B3GALT1: variants seen among roughly 807,000 people sequenced by gnomAD.
The protein encoded by B3GALT1 is UDP-Gal:betaGlcNAc beta 1,3-galactosyltransferase, polypeptide 1.
In B3GALT1, 10 loss-of-function variants were observed where a neutral mutation model predicts 23.2. The ratio of observed to expected loss-of-function variants is 0.43; its 90% CI spans 0.27 to 0.73. B3GALT1 has a LOEUF of 0.73. B3GALT1 is among the 30% of genes least tolerant of loss of function. The pLI is 0.21. For missense variants in B3GALT1, 299 were observed against 405.4 expected, an observed-to-expected ratio of 0.74 and a Z score of 2.25; for synonymous variants, 156 against 141.5, an observed-to-expected ratio of 1.10 and a Z score of -0.73.
At chr2:167,834,059 G>C (rs1199152997) in intron 4 of B3GALT1, among the ~76,000 whole-genome samples, 1 of 152,126 alleles carries the variant, frequency 6.6e-6, no homozygotes, top group Non-Finnish European at 1.5e-5. Context: ...TCTAAAAAAG[G>C]AACTTTGCTG....
At chr2:167,553,055 A>C (rs867441022) in intron 2 of B3GALT1, among the ~76,000 whole-genome samples, 1 of 152,144 alleles carries the variant, frequency 6.6e-6, no homozygotes, top group Non-Finnish European at 1.5e-5. Flanking sequence ...AATGTCATCA[A>C]ATATTTATTG....
chr2:167,387,625 T>C (rs1697948688), intron 1 of B3GALT1, among the ~76,000 whole-genome samples: 1 of 152,242 alleles, frequency 6.6e-6, no homozygotes, highest in Non-Finnish European at 1.5e-5. Flanking sequence ...ATCAATTCGT[T>C]ACTAATGAAT....
At chr2:167,353,474 T>G (rs1697349636) in intron 1 of B3GALT1, among the ~76,000 whole-genome samples, 1 of 152,036 alleles carries the variant, frequency 6.6e-6, no homozygotes, top group Non-Finnish European at 1.5e-5. Flanking sequence ...GATGGCCAAA[T>G]GGCTGTTTCG....
intron 3 of B3GALT1, among the ~76,000 whole-genome samples, chr2:167,801,540 T>C (rs192636121): frequency 3.9e-4 from 59 of 152,338 alleles, no homozygotes; most frequent in Non-Finnish European, 5.9e-4. Flanking sequence ...GCCCTGATGT[T>C]TGCACTACAG....
At chr2:167,354,997 T>TC (rs919028536) in intron 1 of B3GALT1, among the ~76,000 whole-genome samples, 1 of 152,218 alleles carries the variant, frequency 6.6e-6, no homozygotes, top group African/African-American at 2.4e-5. Flanking sequence ...ATCTTCCTCT[T>TC]CCTCAAATAT....
chr2:167,495,223 A>G (rs191354482), intron 2 of B3GALT1, among the ~76,000 whole-genome samples: 108 of 152,076 alleles, frequency 7.1e-4, no homozygotes, highest in African/African-American at 2.6e-3. Context: ...TCATTTAACA[A>G]CCTTCATGTT....
At chr2:167,702,842 T>C (rs1029267920) in intron 3 of B3GALT1, among the ~76,000 whole-genome samples, 1 of 152,236 alleles carries the variant, frequency 6.6e-6, no homozygotes, top group East Asian at 1.9e-4. Flanking sequence ...CAAGAAAAGC[T>C]ACAAAAGAAA....
chr2:167,539,088 C>T (rs557944373), intron 2 of B3GALT1, among the ~76,000 whole-genome samples: 4 of 152,034 alleles, frequency 2.6e-5, no homozygotes, highest in Non-Finnish European at 5.9e-5. Context: ...AATTGTTAAT[C>T]TATGCTAAAA....
intron 1 of B3GALT1, among the ~76,000 whole-genome samples, chr2:167,341,226 T>C (rs1007119676): frequency 6.6e-6 from 1 of 152,116 alleles, no homozygotes; most frequent in Non-Finnish European, 1.5e-5. Context: ...AAGCACATGA[T>C]CTTTTTGGTT....
chr2:167,615,150 A>G lies in B3GALT1; in HGVS notation c.-409-31759A>G, dbSNP rs144974498. The stretch of plus-strand genomic sequence containing the variant: ...TAAAAAGTTAAAAAGCAAGGTATGA[A>G]TAGATGAAGAAATTGTAGTGTATAT... On this transcript the variant is annotated intron_variant, in intron 2 of 4. Coordinates refer to ENST00000392690, the MANE Select transcript of B3GALT1 (RefSeq NM_020981.4). Among the ~76,000 whole-genome samples, 418 of 152,248 alleles carry G rather than the reference A, an allele frequency of 2.7e-3. 2 individuals carry two copies. The highest frequency in any genetic ancestry group is 0.01 in the Middle Eastern group (3 of 294).
At chr2:167,407,077 GA>G (rs1187732686) in intron 1 of B3GALT1, among the ~76,000 whole-genome samples, 1 of 152,132 alleles carries the variant, frequency 6.6e-6, no homozygotes, top group Non-Finnish European at 1.5e-5. Flanking sequence ...CTTGAGAACA[GA>G]CCATATCTTA....
At chr2:167,851,956 A>AATT (rs1484560163) in intron 4 of B3GALT1, among the ~76,000 whole-genome samples, 1 of 152,176 alleles carries the variant, frequency 6.6e-6, no homozygotes, top group African/African-American at 2.4e-5. Flanking sequence ...CCAAAAATGC[A>AATT]ATTTATTCTC....
At chr2:167,365,927 A>G (rs1413998597) in intron 1 of B3GALT1, among the ~76,000 whole-genome samples, 2 of 152,214 alleles carry the variant, frequency 1.3e-5, no homozygotes, top group African/African-American at 2.4e-5. Flanking sequence ...GAATCTCTGA[A>G]TGATTAAATG....
At chr2:167,447,018 G>A (rs1227849680) in intron 1 of B3GALT1, among the ~76,000 whole-genome samples, 2 of 152,152 alleles carry the variant, frequency 1.3e-5, no homozygotes, top group Non-Finnish European at 2.9e-5. Context: ...CTTTGATGAT[G>A]GTGAGGTACA....
chr2:167,373,982 A>C (rs1486975084), intron 1 of B3GALT1, among the ~76,000 whole-genome samples: 2 of 152,130 alleles, frequency 1.3e-5, no homozygotes, highest in African/African-American at 2.4e-5. Context: ...AGTACCCAAC[A>C]CTTAGGTTAG....
At chr2:167,714,635 A>G (rs1053659272) in intron 3 of B3GALT1, 2 of 1,613,694 alleles carry the variant, frequency 1.2e-6, no homozygotes, top group African/African-American at 2.7e-5. Context: ...TTCTTTCCTT[A>G]AATCATTGAG....
intron 4 of B3GALT1, among the ~76,000 whole-genome samples, chr2:167,836,107 C>T (rs1053094332): frequency 2.6e-5 from 4 of 152,172 alleles, no homozygotes; most frequent in Non-Finnish European, 5.9e-5. Flanking sequence ...AAACTGGAAA[C>T]TAAAAAGCAG....
At chr2:167,825,244 A>G (rs1056810237) in intron 4 of B3GALT1, among the ~76,000 whole-genome samples, 9 of 146,246 alleles carry the variant, frequency 6.2e-5, no homozygotes, top group South Asian at 2.2e-4. Flanking sequence ...AGATCGCGCC[A>G]CTGTACTCTA....
intron 3 of B3GALT1, among the ~76,000 whole-genome samples, chr2:167,794,731 G>T (rs1429297998): frequency 6.6e-6 from 1 of 152,130 alleles, no homozygotes; most frequent in Non-Finnish European, 1.5e-5. Context: ...CTCCTCCAAA[G>T]AAGTTTAGTT....
Sources: gnomAD v4.1 joint callset for allele counts (sites outside exome capture counted in the v4.1 genomes callset) on GRCh38, gnomAD v4.1.1 for gene constraint, MANE v1.5 for transcripts, NCBI Gene and HGNC (gene_info 2026-07-23, HGNC 2026-07-21) for gene names.